TAPBPL: variants seen among roughly 807,000 people sequenced by gnomAD.
TAPBPL encodes TAP binding protein like.
In TAPBPL, 32 loss-of-function variants were observed where a neutral mutation model predicts 44.8. That is an observed-to-expected ratio of 0.71 (90% CI 0.54 to 0.96). The LOEUF is 0.96. Among genes scored for constraint, TAPBPL ranks in the 40% least tolerant of loss-of-function variants. The pLI is 0.00. For synonymous variants in TAPBPL, 230 were observed against 240.7 expected (o/e 0.96, Z 0.41); for missense variants, 520 against 586.6 (o/e 0.89, Z 1.17).
chr12:6,458,402 A>G (rs1949755890), intron 4 of TAPBPL, among the ~76,000 whole-genome samples: 1 of 151,786 alleles, frequency 6.6e-6, no homozygotes, highest in Non-Finnish European at 1.5e-5. Flanking sequence ...CTGGCTTAGA[A>G]TGACAGTAAG....
At chr12:6,470,462 G>A (rs1592153259), downstream of TAPBPL, 22 of 1,609,570 alleles carry the variant, frequency 1.4e-5, no homozygotes, top group East Asian at 4.0e-4. Context: ...TTTCCGTCCC[G>A]CAGAATCGGG....
intron 1 of TAPBPL, 65 bp downstream of exon 1, chr12:6,452,377 T>C: frequency 6.6e-7 from 1 of 1,525,800 alleles, no homozygotes; most frequent in African/African-American, 1.4e-5. Context: ...GGTGCCACCC[T>C]CCCCGAGATT....
intron 4 of TAPBPL, 125 bp downstream of exon 4, chr12:6,457,869 T>A: frequency 9.4e-7 from 1 of 1,064,640 alleles, no homozygotes. Context: ...ACAACTTAAA[T>A]GCCATCTTCA....
downstream of TAPBPL, among the ~76,000 whole-genome samples, chr12:6,471,294 C>T (rs1945768946): frequency 6.6e-6 from 1 of 152,168 alleles, no homozygotes; most frequent in Non-Finnish European, 1.5e-5. This position sits in a 1 kb window ranked among gnomAD's most constrained non-coding sequence, Gnocchi z 4.0. Context: ...CTAAATTGAA[C>T]TCCCTCCCAA....
downstream of TAPBPL, chr12:6,462,323 CTGT>C (rs1949893184): frequency 1.7e-6 from 1 of 588,474 alleles, no homozygotes; most frequent in East Asian, 2.8e-5. Flanking sequence ...GGAAGTACAA[CTGT>C]TGTTATTACT....
chr12:6,453,818 G>A lies in TAPBPL; in HGVS notation c.565+102G>A. 7.2e-7 allele frequency: 1 copy of A among 1,388,872 alleles called. No homozygotes were observed. Among genetic ancestry groups the A allele is most frequent in the South Asian group, 1.5e-5 (1 of 67,138 alleles). 86.0% of individuals were successfully genotyped at this position (1,388,872 alleles called of 1,614,324 possible). A position where few individuals can be genotyped will look rare whatever the true frequency, so the allele number is the denominator to read the frequency against. ...GGATCACCTGAGGTCAGGAGTTTGA[G>A]ATCAGCCTGGTCAACACGGTGAAAC... On this transcript the variant is annotated intron_variant, in intron 3 of 6. Coordinates refer to ENST00000266556, the MANE Select transcript of TAPBPL (RefSeq NM_018009.5). The surrounding 1 kb of genome is among the most constrained non-coding windows in gnomAD (Gnocchi z 4.8).
downstream of TAPBPL, chr12:6,470,692 G>A: frequency 1.1e-6 from 1 of 887,674 alleles, no homozygotes; most frequent in Non-Finnish European, 1.8e-6. Flanking sequence ...CTGCCGCGCC[G>A]GCCTCCGCCT....
downstream of TAPBPL, chr12:6,462,936 T>C (rs1396308286): frequency 6.4e-7 from 1 of 1,557,464 alleles, no homozygotes; most frequent in Non-Finnish European, 8.7e-7. Flanking sequence ...AAAGTGGGCA[T>C]CCAGACCCTG....
chr12:6,467,371 A>T (rs1031155252), downstream of TAPBPL, among the ~76,000 whole-genome samples: 3 of 152,210 alleles, frequency 2.0e-5, no homozygotes, highest in African/African-American at 7.2e-5. Flanking sequence ...TGTTAGTGAT[A>T]TGAACAATAA....
chr12:6,467,974 A>G (rs956348485), downstream of TAPBPL, among the ~76,000 whole-genome samples: 2 of 152,262 alleles, frequency 1.3e-5, no homozygotes, highest in South Asian at 2.1e-4. Flanking sequence ...AGATGTATGG[A>G]AACGCCTGGA....
intron 3 of TAPBPL, among the ~76,000 whole-genome samples, chr12:6,457,102 T>C (rs1047084990): frequency 1.3e-5 from 2 of 152,278 alleles, no homozygotes; most frequent in Admixed American, 1.3e-4. Context: ...ACTCTAGTAG[T>C]TCTTACCTGA....
downstream of TAPBPL, chr12:6,466,481 G>A (rs923877752): frequency 2.5e-5 from 25 of 995,550 alleles, no homozygotes; most frequent in Admixed American, 2.1e-4. Context: ...CCAGGAGTTC[G>A]AGGCCAGCCT....
At chr12:6,466,132 T>C (rs1370713052), downstream of TAPBPL, 3 of 1,611,658 alleles carry the variant, frequency 1.9e-6, no homozygotes, top group African/African-American at 2.7e-5. Context: ...CTTTGACTAT[T>C]CTCCTACGAA....
chr12:6,464,282 C>T (rs1221614049), downstream of TAPBPL: 1 of 1,541,858 alleles, frequency 6.5e-7, no homozygotes, highest in Admixed American at 2.0e-5. Flanking sequence ...TAGATTGTGC[C>T]ACGAGCAGCA....
At position 6,453,771 on chromosome 12, in the gene TAPBPL, A is replaced by C; in HGVS notation, c.565+55A>C. On this transcript the variant is annotated intron_variant, in intron 3 of 6. Transcript: ENST00000266556. This position sits in a 1 kb window ranked among gnomAD's most constrained non-coding sequence, Gnocchi z 4.8. ...GGTGGCTCACGCCTGTAATTCCAGA[A>C]TTTTGGGATACCGAGGTCGGTGGAT... is the stretch of plus-strand genomic sequence containing the variant. 1.3e-6 allele frequency: 2 copies of C among 1,494,556 alleles called. No individual in the cohort carries two copies. The highest frequency in any genetic ancestry group is 1.8e-6 in the Non-Finnish European group (2 of 1,127,514). The allele number at this position is 1,494,556 out of a possible 1,614,324, so 92.6% of individuals were successfully genotyped here.
chr12:6,453,607 A>ACCTAGCAT lies in TAPBPL; in HGVS notation c.458_465dup (p.Ser156LeufsTer6), dbSNP rs1316325277. On this transcript the variant is annotated frameshift_variant, in exon 3 of 7. Transcript: ENST00000266556. LOFTEE classifies it high-confidence loss of function. The surrounding 1 kb of genome is among the most constrained non-coding windows in gnomAD (Gnocchi z 4.8). ...CCAACATGCAGGTCTCTGGAGGGGGACCTAGCATCTCCTTGGTGATGAAGA... is the reference window on the plus strand; with the variant it reads ...CCAACATGCAGGTCTCTGGAGGGGGACCTAGCATCCTAGCATCTCCTTGGTGATGAAGA... 4.3e-6 allele frequency: 7 copies of ACCTAGCAT among 1,614,022 alleles called. No individual in the cohort carries two copies. The highest frequency in any genetic ancestry group is 5.1e-6 in the Non-Finnish European group (6 of 1,179,998).
chr12:6,464,326 G>C (rs770880125), downstream of TAPBPL: 105 of 1,548,526 alleles, frequency 6.8e-5, no homozygotes, highest in Middle Eastern at 8.3e-4. Context: ...GCAAATGAAC[G>C]CAACGAAAAA....
chr12:6,466,140 G>GA, downstream of TAPBPL: 1 of 1,610,082 alleles, frequency 6.2e-7, no homozygotes, highest in Non-Finnish European at 8.5e-7. Flanking sequence ...ATTCTCCTAC[G>GA]AAAAAAGGAG....
chr12:6,457,513 G>T lies in TAPBPL; in HGVS notation c.673G>T (p.Val225Leu), dbSNP rs1400979231. ...GGCACCGGGCTTGGACCTCATCAGT[G>T]TGGAGTGGCGACTGCAGCACAAGGG... ...SMAPGLDLISVEWRLQHKGRG... is the reference protein window; with the variant it reads ...SMAPGLDLISLEWRLQHKGRG... The change falls in exon 4 of 7, where the codon GTG (valine) becomes TTG (leucine). Residue 225 changes from valine (V) to leucine (L), a missense_variant. Coordinates refer to ENST00000266556, the MANE Select transcript of TAPBPL (RefSeq NM_018009.5). 2 of 1,614,110 alleles carry T rather than the reference G, an allele frequency of 1.2e-6. No individual in the cohort carries two copies. Among genetic ancestry groups the T allele is most frequent in the Non-Finnish European group, 1.7e-6 (2 of 1,180,056 alleles).
Sources: gnomAD v4.1 joint callset for allele counts (sites outside exome capture counted in the v4.1 genomes callset) on GRCh38, gnomAD v4.1.1 for gene constraint, Gnocchi (gnomAD v3.1) non-coding constraint, MANE v1.5 for transcripts, NCBI Gene and HGNC (gene_info 2026-07-23, HGNC 2026-07-21) for gene names.